The following LTN1 variants were observed in gnomAD, a reference collection of about 807,000 sequenced individuals.
LTN1 encodes the protein listerin E3 ubiquitin protein ligase 1, also known as E3 ubiquitin-protein ligase listerin.
LTN1 carries 88 observed loss-of-function variants against 201.2 expected under a neutral mutation model. The ratio of observed to expected loss-of-function variants is 0.44; its 90% CI spans 0.37 to 0.52. LTN1 has a LOEUF of 0.52. LTN1 is among the 20% of genes least tolerant of loss of function. LTN1 has a pLI of 0.00. For synonymous variants in LTN1, 645 were observed against 713.5 expected (o/e 0.90, Z 1.53); for missense variants, 1,752 against 2,038.7 (o/e 0.86, Z 2.71).
At position 28,947,466 on chromosome 21, in the gene LTN1, T is replaced by C; in HGVS notation, c.3485A>G (p.Asn1162Ser). The change falls in exon 19 of 30, where the codon AAT (asparagine) becomes AGT (serine). Residue 1162 changes from asparagine (N) to serine (S), a missense_variant and splice_region_variant. By Grantham distance (46) the Asn-to-Ser change is conservative. Transcript: ENST00000361371. ...ATATTTATTATCAAGCAACTAACCA[T>C]TAGTGCTGCAAAGATCTTTCTTAGT... ...GWTKKDLCST[N>S]GGFGHLAIFN... 6.6e-7 allele frequency: 1 copy of C among 1,518,038 alleles called. No individual in the cohort carries two copies. The highest frequency in any genetic ancestry group is 2.5e-5 in the East Asian group (1 of 40,312). The allele number at this position is 1,518,038 out of a possible 1,614,324, so 94.0% of individuals were successfully genotyped here. A position where few individuals can be genotyped will look rare whatever the true frequency, so the allele number is the denominator to read the frequency against.
intron 14 of LTN1, 137 bp downstream of exon 14, chr21:28,958,249 C>T: frequency 1.3e-6 from 1 of 742,716 alleles, no homozygotes; most frequent in Non-Finnish European, 2.1e-6. Flanking sequence ...CCCACCTCAG[C>T]CTACTGAGTA....
intron 1 of LTN1, among the ~76,000 whole-genome samples, chr21:28,991,070 G>A (rs1213653222): frequency 6.6e-6 from 1 of 151,804 alleles, no homozygotes; most frequent in Admixed American, 6.6e-5. Context: ...CCGAGAGGCG[G>A]AGATTGCAGT....
In LTN1 at chr21:28,962,814, T is replaced by C. The variant is rs148836514; in HGVS notation, c.2164-2108A>G. ...AGTTGTGAATGCAAAGGAAAAGTTA[T>C]TGAAGGAAATTAAAAGTGCCACTCC... On this transcript the variant is annotated intron_variant, in intron 11 of 29. Transcript: ENST00000361371. Among the ~76,000 whole-genome samples, 452 of 152,296 alleles carry C rather than the reference T, an allele frequency of 3.0e-3. 1 individual carries two copies. Among genetic ancestry groups the C allele is most frequent in the African/African-American group, 0.01 (434 of 41,554 alleles).
chr21:28,962,863 G>A (rs2084490601), intron 11 of LTN1, among the ~76,000 whole-genome samples: 1 of 152,214 alleles, frequency 6.6e-6, no homozygotes, highest in African/African-American at 2.4e-5. Flanking sequence ...GTAACAGAAA[G>A]TGACATAGAC....
intron 8 of LTN1, among the ~76,000 whole-genome samples, 156 bp downstream of exon 8, chr21:28,970,396 T>G (rs925725994): frequency 1.3e-5 from 2 of 152,194 alleles, no homozygotes; most frequent in Non-Finnish European, 2.9e-5. Context: ...GTCTTGAACG[T>G]ACTCAAGAAA....
intron 20 of LTN1, 88 bp downstream of exon 20, chr21:28,946,064 T>C: frequency 6.9e-7 from 1 of 1,444,184 alleles, no homozygotes; most frequent in Non-Finnish European, 9.5e-7. Flanking sequence ...ATGTCTACCA[T>C]AATTTCTCTA....
At chr21:28,953,426 C>T (rs757331012) in intron 16 of LTN1, 50 bp from the exon 17 acceptor site, 2 of 1,363,352 alleles carry the variant, frequency 1.5e-6, no homozygotes, top group Admixed American at 2.6e-5. Context: ...GTGAACAAAC[C>T]CTTCAATTAC....
At position 28,966,436 on chromosome 21, in the gene LTN1, C is replaced by A. The variant is rs753328809; in HGVS notation, c.2055G>T (p.Leu685Phe). ...RKDFGFLVDI[L>F]YSALRCCDND... ...TGTCACAGCACCGGAGAGCACTGTA[C>A]AAAATGTCCACCAGGAAACCAAAAT... Residue 685 changes from leucine (L) to phenylalanine (F), a missense_variant, in exon 10 of 30, where the codon TTG (leucine) becomes TTT (phenylalanine). Physicochemically the swap from Leu to Phe is conservative, Grantham distance 22. Around this residue, in one of 3 missense-constraint regions of LTN1, gnomAD observed 1,211 missense variants for 1,312.8 expected, o/e 0.92. Coordinates refer to ENST00000361371, the MANE Select transcript of LTN1 (RefSeq NM_015565.3). 3.7e-6 allele frequency: 6 copies of A among 1,614,022 alleles called. No individual in the cohort carries two copies. In the African/African-American group the frequency reaches 5.3e-5, roughly 14 times the overall value.
rs534731347 is a variant in LTN1 at position 28,980,843 on chromosome 21, T to G, written c.810+276A>C. ...AGACAAAAGGGAAAAAATAAATTAA[T>G]TAAATGAGAAGAGACTTGCACACAC... On this transcript the variant is annotated intron_variant, in intron 6 of 29. Coordinates refer to ENST00000361371, the MANE Select transcript of LTN1 (RefSeq NM_015565.3). Among the ~76,000 whole-genome samples, 8 of 152,240 alleles carry G rather than the reference T, an allele frequency of 5.3e-5. No homozygotes were observed. In the South Asian group the frequency reaches 1.7e-3, roughly 32 times the overall value.
At chr21:28,957,628 C>T in intron 14 of LTN1, 152 bp from the exon 15 acceptor site, 1 of 434,392 alleles carries the variant, frequency 2.3e-6, no homozygotes, top group Non-Finnish European at 3.9e-6. Context: ...ACCGATGACA[C>T]ACCAACATAA....
At chr21:28,973,342 G>A (rs1380535319) in intron 6 of LTN1, among the ~76,000 whole-genome samples, 34 of 100,598 alleles carry the variant, frequency 3.4e-4, no homozygotes, top group South Asian at 8.9e-4. Flanking sequence ...GCAAGAATCC[G>A]TCCCAAAAAA....
Position 28,957,319 on chromosome 21 carries a change from A to G in LTN1, c.2892+13T>C. 6.4e-7 allele frequency: 1 copy of G among 1,572,426 alleles called. No individual in the cohort carries two copies. The highest frequency in any genetic ancestry group is 8.6e-7 in the Non-Finnish European group (1 of 1,165,778). On this transcript the variant is annotated intron_variant, in intron 15 of 29. Coordinates refer to ENST00000361371, the MANE Select transcript of LTN1 (RefSeq NM_015565.3). ...TTCAGAATGAGATATGTACTCTTCA[A>G]TTTCCAAAATACCTGCATAGGAAGA...
rs970740128 is a variant in LTN1 at position 28,951,484 on chromosome 21, C to T, written c.3344+676G>A. ...ATGATGTTATTTAAGAGAAGAGTAA[C>T]TTTCCCTATCACTTCCATATAGCAA... On this transcript the variant is annotated intron_variant, in intron 18 of 29. Transcript: ENST00000361371. Among the ~76,000 whole-genome samples, 6 of 152,182 alleles carry T rather than the reference C, an allele frequency of 3.9e-5. No homozygotes were observed. The East Asian group carries it at 1.2e-3, about 29-fold the overall frequency.
In LTN1 at chr21:28,932,466, T is replaced by C; in HGVS notation, c.5070+4A>G. On this transcript the variant is annotated splice_donor_region_variant and intron_variant, in intron 28 of 29. Coordinates refer to ENST00000361371, the MANE Select transcript of LTN1 (RefSeq NM_015565.3). ...TAAAGCCAAATGTGTAAACAGAAAC[T>C]TACCTGATGGGTGAGGTAAGTGCTT... 6.2e-7 allele frequency: 1 copy of C among 1,611,748 alleles called. No homozygotes were observed. Among genetic ancestry groups the C allele is most frequent in the Non-Finnish European group, 8.5e-7 (1 of 1,179,234 alleles).
chr21:28,953,181 T>C (rs181661906), intron 17 of LTN1, 36 bp downstream of exon 17: 26 of 1,493,598 alleles, frequency 1.7e-5, no homozygotes, highest in South Asian at 1.2e-4. Flanking sequence ...AGAAGTAGCA[T>C]AGTCATTTTA....
chr21:28,979,070 G>C (rs1462160693), intron 6 of LTN1, among the ~76,000 whole-genome samples: 1 of 152,248 alleles, frequency 6.6e-6, no homozygotes, highest in Non-Finnish European at 1.5e-5. Flanking sequence ...GCCTACTGAA[G>C]GCTAGAATAT....
In LTN1 at chr21:28,986,413, A is replaced by G. The variant is rs1374303961; in HGVS notation, c.247-176T>C. The G allele has an allele frequency of 1.5e-6, 1 of 684,990 alleles. No homozygotes were observed. Among genetic ancestry groups the G allele is most frequent in the Non-Finnish European group, 2.6e-6 (1 of 381,406 alleles). 42.4% of individuals were successfully genotyped at this position (684,990 alleles called of 1,614,324 possible). On this transcript the variant is annotated intron_variant, in intron 2 of 29. Transcript: ENST00000361371. The surrounding 1 kb of genome is among the most constrained non-coding windows in gnomAD (Gnocchi z 4.1). ...CAGGCTACTACGGTAGAAACTCTTC[A>G]GTTGTTTTTTTAAAAATAAAACATC...
chr21:28,975,540 G>T (rs2084608289), intron 6 of LTN1, among the ~76,000 whole-genome samples: 1 of 152,138 alleles, frequency 6.6e-6, no homozygotes, highest in African/African-American at 2.4e-5. Flanking sequence ...CAACTACTTA[G>T]CTCTGCTTTG....
intron 28 of LTN1, among the ~76,000 whole-genome samples, chr21:28,932,225 AC>A (rs767120742): frequency 2.6e-5 from 4 of 152,182 alleles, no homozygotes; most frequent in Non-Finnish European, 5.9e-5. Flanking sequence ...TTGTTAATAC[AC>A]CTTCTACAGT....
Sources: allele counts gnomAD v4.1 joint callset (sites outside exome capture counted in the v4.1 genomes callset), GRCh38; gene constraint gnomAD v4.1.1; regional missense constraint gnomAD v4.1.1; non-coding constraint Gnocchi (gnomAD v3.1); transcripts MANE v1.5; gene names NCBI Gene and HGNC (gene_info 2026-07-23, HGNC 2026-07-21).